GALNTL6: variants seen among roughly 807,000 people sequenced by gnomAD.
GALNTL6 encodes polypeptide N-acetylgalactosaminyltransferase-like 6.
In GALNTL6, 46 loss-of-function variants were observed where a neutral mutation model predicts 73.7. The observed-to-expected ratio is 0.62, with a 90% CI of 0.49 to 0.80. The LOEUF (loss-of-function observed/expected upper bound fraction) is 0.80. Among genes scored for constraint, GALNTL6 ranks in the 30% least tolerant of loss-of-function variants. GALNTL6 has a pLI of 0.00. For missense variants in GALNTL6, 604 were observed against 755.0 expected (o/e 0.80, Z 2.34); for synonymous variants, 259 against 263.7 (o/e 0.98, Z 0.17).
chr4:172,869,166 G>A (rs1744801469), intron 7 of GALNTL6, among the ~76,000 whole-genome samples: 1 of 152,138 alleles, frequency 6.6e-6, no homozygotes, highest in African/African-American at 2.4e-5. Flanking sequence ...ATTGTATTCA[G>A]TCAAGGGGAC....
chr4:172,773,754 T>C (rs1301115358), intron 5 of GALNTL6, among the ~76,000 whole-genome samples: 1 of 152,260 alleles, frequency 6.6e-6, no homozygotes, highest in African/African-American at 2.4e-5. Context: ...TTACTCAAAG[T>C]GGCAGAGCTG....
chr4:171,971,961 T>C (rs960778362), intron 2 of GALNTL6, among the ~76,000 whole-genome samples: 2 of 152,102 alleles, frequency 1.3e-5, no homozygotes, highest in African/African-American at 4.8e-5. Flanking sequence ...TGTCTGAGGC[T>C]TTAGGGGAGA....
chr4:171,962,765 C>CTTTTTTTTTTTTTTTT (rs139917729), intron 2 of GALNTL6, among the ~76,000 whole-genome samples: 4 of 113,818 alleles, frequency 3.5e-5, no homozygotes, highest in Admixed American at 1.2e-4. Context: ...CTTGCTTTTA[C>CTTTTTTTTTTTTTTTT]TTTTTTTTTT....
chr4:172,671,408 G>A (rs1219428232), intron 5 of GALNTL6, among the ~76,000 whole-genome samples: 4 of 151,964 alleles, frequency 2.6e-5, no homozygotes, highest in Non-Finnish European at 5.9e-5. Flanking sequence ...TTTTGTGTGT[G>A]TGTTTGTGTG....
At chr4:171,954,887 A>G (rs1225006250) in intron 2 of GALNTL6, among the ~76,000 whole-genome samples, 1 of 152,130 alleles carries the variant, frequency 6.6e-6, no homozygotes, top group African/African-American at 2.4e-5. Flanking sequence ...CTGGCCATGT[A>G]AGGAGTGCCT....
chr4:172,859,405 A>G (rs1000195119), intron 7 of GALNTL6, among the ~76,000 whole-genome samples: 2 of 152,182 alleles, frequency 1.3e-5, no homozygotes, highest in African/African-American at 4.8e-5. Flanking sequence ...AAGGCAGTAC[A>G]TGAAGCGCTT....
intron 8 of GALNTL6, among the ~76,000 whole-genome samples, chr4:172,901,851 G>A (rs990772485): frequency 6.6e-6 from 1 of 152,098 alleles, no homozygotes; most frequent in Non-Finnish European, 1.5e-5. Context: ...AGAATTTTCA[G>A]GAGTCAGCTG....
intron 2 of GALNTL6, among the ~76,000 whole-genome samples, chr4:171,910,726 T>C (rs2110961626): frequency 6.6e-6 from 1 of 152,282 alleles, no homozygotes; most frequent in Non-Finnish European, 1.5e-5. Flanking sequence ...TCCAAACTTG[T>C]AATATAACTC....
intron 4 of GALNTL6, among the ~76,000 whole-genome samples, chr4:172,321,783 G>C (rs1043316822): frequency 2.0e-5 from 3 of 152,084 alleles, no homozygotes; most frequent in African/African-American, 4.8e-5. Flanking sequence ...GCAGGAGAGG[G>C]TCCCCCACCA....
chr4:172,497,586 T>G (rs1413068920), intron 5 of GALNTL6, among the ~76,000 whole-genome samples: 1 of 152,256 alleles, frequency 6.6e-6, no homozygotes, highest in Admixed American at 6.5e-5. Flanking sequence ...ATTAGGTCCC[T>G]GTTCAGCATC....
At chr4:172,535,599 TTCCCC>T (rs1735320506) in intron 5 of GALNTL6, among the ~76,000 whole-genome samples, 2 of 152,192 alleles carry the variant, frequency 1.3e-5, no homozygotes, top group Admixed American at 1.3e-4. Flanking sequence ...TAAACCACAG[TTCCCC>T]GAAGTAACTA....
rs532889859 is a variant in GALNTL6 at position 172,272,899 on chromosome 4, G to A, written c.248-38715G>A. On this transcript the variant is annotated intron_variant, in intron 3 of 12. Coordinates refer to ENST00000506823, the MANE Select transcript of GALNTL6 (RefSeq NM_001034845.3). ...GTAAGAAAGAAGGGAGGAGGTGAGA[G>A]AAAAGGAAGGAAAAGAGAAGGGAAG... Among the ~76,000 whole-genome samples, 31 of 152,162 alleles carry A rather than the reference G, an allele frequency of 2.0e-4. No individual in the cohort carries two copies. In the South Asian group the frequency reaches 4.4e-3, roughly 21 times the overall value.
At chr4:171,820,318 A>G (rs544870) in intron 2 of GALNTL6, among the ~76,000 whole-genome samples, 148,004 of 152,256 alleles carry the variant, frequency 0.97, 72,083 homozygotes, top group Middle Eastern at 1. Context: ...TGATGAATTC[A>G]AGGTAAAGCA....
intron 3 of GALNTL6, among the ~76,000 whole-genome samples, chr4:172,281,057 T>C (rs1033961004): frequency 6.6e-6 from 1 of 150,914 alleles, no homozygotes; most frequent in Non-Finnish European, 1.5e-5. Context: ...TAGTCCCTGC[T>C]ACTTAGGAGG....
intron 2 of GALNTL6, among the ~76,000 whole-genome samples, chr4:172,054,310 G>T (rs932466654): frequency 3.9e-5 from 6 of 152,026 alleles, no homozygotes; most frequent in South Asian, 2.1e-4. Context: ...AATTCAAATA[G>T]AAATAATTTA....
chr4:171,919,134 A>G (rs983080444), intron 2 of GALNTL6, among the ~76,000 whole-genome samples: 4 of 152,136 alleles, frequency 2.6e-5, no homozygotes, highest in African/African-American at 7.2e-5. Context: ...GATGGCAAAT[A>G]TCATGTTAAG....
intron 5 of GALNTL6, among the ~76,000 whole-genome samples, chr4:172,753,725 C>A (rs1737568608): frequency 6.6e-6 from 1 of 152,022 alleles, no homozygotes; most frequent in Non-Finnish European, 1.5e-5. Flanking sequence ...AATTTGTCAT[C>A]AAAATAAAAT....
In GALNTL6 at chr4:171,892,911, C is replaced by A. The variant is rs139829572; in HGVS notation, c.138+78193C>A. ...TCTATCAAGCACTTTTAATTAGCTGCAACTTTTAATACTTACCCTGCTGGA... is the reference window on the plus strand; with the variant it reads ...TCTATCAAGCACTTTTAATTAGCTGAAACTTTTAATACTTACCCTGCTGGA... On this transcript the variant is annotated intron_variant, in intron 2 of 12. Transcript: ENST00000506823. 2.0e-5 allele frequency among the ~76,000 whole-genome samples: 3 copies of A among 152,200 alleles called. No individual in the cohort carries two copies. The East Asian group carries it at 5.8e-4, about 29-fold the overall frequency.
rs1750824188 is a variant in GALNTL6, at chr4:172,976,636, A to G, written c.1371+24378A>G. 2.0e-5 allele frequency among the ~76,000 whole-genome samples: 3 copies of G among 152,242 alleles called. No homozygotes were observed. In the South Asian group the frequency reaches 6.2e-4, roughly 32 times the overall value. On this transcript the variant is annotated intron_variant, in intron 10 of 12. Coordinates refer to ENST00000506823, the MANE Select transcript of GALNTL6 (RefSeq NM_001034845.3). The stretch of plus-strand genomic sequence containing the variant: ...ACACTTTATAACATTTTTAAAATAG[A>G]AAGAATACTTCAGGAAAATGTTGTA...
Sources: gnomAD v4.1 joint callset for allele counts (sites outside exome capture counted in the v4.1 genomes callset) on GRCh38, gnomAD v4.1.1 for gene constraint, MANE v1.5 for transcripts, NCBI Gene and HGNC (gene_info 2026-07-23, HGNC 2026-07-21) for gene names.